The following SLC5A12 variants were observed in gnomAD, a reference collection of about 807,000 sequenced individuals.
SLC5A12 encodes the protein sodium-coupled monocarboxylate transporter 2.
A neutral mutation model predicts 72.7 loss-of-function variants in SLC5A12; 46 were observed. The ratio of observed to expected loss-of-function variants is 0.63; its 90% CI spans 0.50 to 0.81. The LOEUF is 0.81. Among genes scored for constraint, SLC5A12 ranks in the 30% least tolerant of loss-of-function variants. SLC5A12 has a pLI of 0.00. For missense variants in SLC5A12, 683 were observed against 740.7 expected (o/e 0.92, Z 0.90); for synonymous variants, 275 against 264.4 (o/e 1.04, Z -0.39).
At chr11:26,702,797 G>C (rs1298561718) in intron 6 of SLC5A12, among the ~76,000 whole-genome samples, 1 of 152,094 alleles carries the variant, frequency 6.6e-6, no homozygotes, top group African/African-American at 2.4e-5. Flanking sequence ...TGTTAAGTGA[G>C]CTTAACCTTT....
chr11:26,692,443 T>G (rs1441639177), intron 9 of SLC5A12, 46 bp downstream of exon 9: 1 of 1,296,984 alleles, frequency 7.7e-7, no homozygotes, highest in East Asian at 2.3e-5. Flanking sequence ...ATCTACCACA[T>G]GTACATTTCA....
At chr11:26,704,339 A>G (rs1486862084) in intron 4 of SLC5A12, among the ~76,000 whole-genome samples, 1 of 152,130 alleles carries the variant, frequency 6.6e-6, no homozygotes, top group Non-Finnish European at 1.5e-5. Context: ...ACTACAGAGG[A>G]CAAACAGAAG....
At chr11:26,677,959 T>C (rs2133137625) in intron 13 of SLC5A12, among the ~76,000 whole-genome samples, 1 of 152,234 alleles carries the variant, frequency 6.6e-6, no homozygotes, top group African/African-American at 2.4e-5. Flanking sequence ...TCCCACACTC[T>C]CACCACTACC....
chr11:26,686,685 C>G, intron 9 of SLC5A12, 141 bp from the exon 10 acceptor site: 1 of 677,220 alleles, frequency 1.5e-6, no homozygotes, highest in Non-Finnish European at 2.5e-6. Context: ...CCCATTCAGC[C>G]ATCATCAGCC....
chr11:26,709,172 C>T lies in SLC5A12; in HGVS notation c.525+140G>A. On this transcript the variant is annotated intron_variant, in intron 4 of 14. Transcript: ENST00000396005. ...AAACAACAGCACCTTCCTCAGGAAA[C>T]TGTGACAGATAAGCCGACATACTTC... 1.5e-5 allele frequency: 8 copies of T among 544,674 alleles called. No homozygotes were observed. In the East Asian group the frequency reaches 2.3e-4, roughly 16 times the overall value. 33.7% of individuals were successfully genotyped at this position (544,674 alleles called of 1,614,324 possible).
At chr11:26,678,666 T>G in intron 13 of SLC5A12, 46 bp downstream of exon 13, 3 of 1,387,328 alleles carry the variant, frequency 2.2e-6, no homozygotes, top group South Asian at 1.2e-5. Context: ...AATGCATGCA[T>G]GAGCCCATAT....
rs192855770 is a variant in SLC5A12 at position 26,711,161 on chromosome 11, G to A, written c.457+146C>T. 7.5e-4 allele frequency: 494 copies of A among 657,182 alleles called. 2 individuals are homozygous for A. The highest frequency in any genetic ancestry group is 4.4e-3 in the Middle Eastern group (12 of 2,756). 40.7% of individuals were successfully genotyped at this position (657,182 alleles called of 1,614,324 possible). A position where few individuals can be genotyped will look rare whatever the true frequency, so the allele number is the denominator to read the frequency against. ...TTTCAATGTTTAATCAATATTTAGA[G>A]CTTTATGTAATGACTTCTAATAGTA... is the stretch of plus-strand genomic sequence containing the variant. On this transcript the variant is annotated intron_variant, in intron 3 of 14. Coordinates refer to ENST00000396005, the MANE Select transcript of SLC5A12 (RefSeq NM_178498.4).
chr11:26,703,306 C>G (rs1246791773), intron 6 of SLC5A12, among the ~76,000 whole-genome samples: 1 of 151,540 alleles, frequency 6.6e-6, no homozygotes, highest in Admixed American at 6.6e-5. Context: ...AAAGACAAAC[C>G]GACTTCAGTT....
At chr11:26,683,995 TTCTGG>T in intron 10 of SLC5A12, 152 bp from the exon 11 acceptor site, 1 of 597,306 alleles carries the variant, frequency 1.7e-6, no homozygotes. Context: ...CATTTCTCAA[TTCTGG>T]GATGAATGAT....
intron 4 of SLC5A12, among the ~76,000 whole-genome samples, chr11:26,706,683 T>C (rs920890733): frequency 1.3e-5 from 2 of 151,874 alleles, no homozygotes; most frequent in Non-Finnish European, 2.9e-5. Flanking sequence ...AGCAATGCCA[T>C]AATCCTCAGA....
chr11:26,686,659 A>C, intron 9 of SLC5A12, 115 bp from the exon 10 acceptor site: 1 of 822,510 alleles, frequency 1.2e-6, no homozygotes, highest in Non-Finnish European at 2.0e-6. Context: ...AAGGGATCTC[A>C]GCGAGGACCA....
At chr11:26,677,713 G>T (rs2133137267) in intron 13 of SLC5A12, among the ~76,000 whole-genome samples, 1 of 152,224 alleles carries the variant, frequency 6.6e-6, no homozygotes, top group South Asian at 2.1e-4. Context: ...TCAGTGAATG[G>T]CTAGTGACAT....
At chr11:26,680,487 A>G (rs1854385744) in intron 12 of SLC5A12, among the ~76,000 whole-genome samples, 1 of 150,656 alleles carries the variant, frequency 6.6e-6, no homozygotes. Flanking sequence ...TACAGAGGGA[A>G]TAAATTATAA....
chr11:26,689,090 CAAAAAAAA>C (rs36100337), intron 9 of SLC5A12, among the ~76,000 whole-genome samples: 1 of 111,342 alleles, frequency 9.0e-6, no homozygotes, highest in East Asian at 2.7e-4. Context: ...AAGGACGTTA[CAAAAAAAA>C]AAAAAAAAAA....
intron 6 of SLC5A12, among the ~76,000 whole-genome samples, chr11:26,701,754 G>A (rs774177388): frequency 3.3e-5 from 5 of 151,710 alleles, no homozygotes; most frequent in African/African-American, 4.8e-5. Context: ...TTATATATAC[G>A]TATATAAGTG....
Position 26,700,506 on chromosome 11 carries a change from A to AAAATAAATAAATAAATAAATAAAT in SLC5A12, c.822-1995_822-1972dup, listed in dbSNP as rs57501561. On this transcript the variant is annotated intron_variant, in intron 6 of 14. Transcript: ENST00000396005. ...GATTAGAAGCAGGTAATGAACACTG[A>AAAATAAATAAATAAATAAATAAAT]AAATAAATAAATAAATAAATAAATA... Among the ~76,000 whole-genome samples, 572 of 150,036 alleles carry AAAATAAATAAATAAATAAATAAAT rather than the reference A, an allele frequency of 3.8e-3. 5 individuals are homozygous for AAAATAAATAAATAAATAAATAAAT. The highest frequency in any genetic ancestry group is 0.013 in the African/African-American group (516 of 40,504).
In SLC5A12 at chr11:26,671,044, A is replaced by C; in HGVS notation, c.*58T>G. 2 of 950,822 alleles carry C rather than the reference A, an allele frequency of 2.1e-6. No individual in the cohort carries two copies. The highest frequency in any genetic ancestry group is 2.9e-6 in the Non-Finnish European group (2 of 689,952). The allele number at this position is 950,822 out of a possible 1,614,324, so 58.9% of individuals were successfully genotyped here. ...TAACAAGTAGGCAAGAAGTATGTGGAGTTTGTGTGTGTGTGTGTGTATTGC... is the reference window on the plus strand; with the variant it reads ...TAACAAGTAGGCAAGAAGTATGTGGCGTTTGTGTGTGTGTGTGTGTATTGC... On this transcript the variant is annotated 3_prime_UTR_variant, in exon 15 of 15. Transcript: ENST00000396005.
rs1451437814 is a variant in SLC5A12 at position 26,669,217 on chromosome 11, TTC to T, written c.*1883_*1884del. The T allele has an allele frequency of 2.4e-5, 2 of 81,694 alleles. No homozygotes were observed. The highest frequency in any genetic ancestry group is 3.0e-4 in the East Asian group (1 of 3,290). The allele number at this position is 81,694 out of a possible 1,614,324, so 5.1% of individuals were successfully genotyped here. On this transcript the variant is annotated 3_prime_UTR_variant, in exon 15 of 15. Coordinates refer to ENST00000396005, the MANE Select transcript of SLC5A12 (RefSeq NM_178498.4). ...TTTCTTTCTTTCTTTCTTTCTTTCTTTCTCTCTCTCCCTCCCTCTTTCTTTCT... is the reference window on the plus strand; with the variant it reads ...TTTCTTTCTTTCTTTCTTTCTTTCTTTCTCTCTCCCTCCCTCTTTCTTTCT...
Position 26,671,234 on chromosome 11 carries a change from G to A in SLC5A12, c.1725C>T (p.Gly575=). Residue 575 remains glycine, a synonymous_variant, in exon 15 of 15, where the codon GGC becomes GGT. Transcript: ENST00000396005. ...ATTCAGCCCCCTGTTTCCGGGCACT[G>A]CCATTCTCAAGGTTTTCCTGAGGGA... The part of the protein sequence containing the change: ...SGTEQENLEN[G]SARKQGAESV... 6.2e-7 allele frequency: 1 copy of A among 1,600,084 alleles called. No homozygotes were observed. Among genetic ancestry groups the A allele is most frequent in the South Asian group, 1.1e-5 (1 of 88,678 alleles).
Sources: gnomAD v4.1 joint callset for allele counts (sites outside exome capture counted in the v4.1 genomes callset) on GRCh38, gnomAD v4.1.1 for gene constraint, MANE v1.5 for transcripts, NCBI Gene and HGNC (gene_info 2026-07-23, HGNC 2026-07-21) for gene names.